The following DENND6B variants were observed in gnomAD, a reference collection of about 807,000 sequenced individuals.
The protein encoded by DENND6B is protein DENND6B.
In DENND6B, 73 loss-of-function variants were observed where a neutral mutation model predicts 85.1. That is an observed-to-expected ratio of 0.86 (90% confidence interval 0.71 to 1.04). DENND6B has a LOEUF of 1.04. Ranked by LOEUF, DENND6B falls within the 50% of genes least tolerant of loss-of-function variation. The pLI, the probability that DENND6B is intolerant of heterozygous loss-of-function variation, is 0.00. For synonymous variants in DENND6B, 357 were observed against 329.3 expected (o/e 1.08, Z -0.91); for missense variants, 715 against 785.8 (o/e 0.91, Z 1.08).
At chr22:50,322,363 C>G (rs927418918) in intron 1 of DENND6B, among the ~76,000 whole-genome samples, 24 of 152,032 alleles carry the variant, frequency 1.6e-4, no homozygotes, top group African/African-American at 5.6e-4. Context: ...CGTGAGCCAC[C>G]GTGCCCGGCC....
chr22:50,317,357 T>C lies in DENND6B; in HGVS notation c.389A>G (p.Tyr130Cys), dbSNP rs375952709. Residue 130 changes from tyrosine to cysteine, a missense_variant, in exon 5 of 20, where the codon TAC becomes TGC. Transcript: ENST00000413817. Reference protein sequence around the residue: ...PVALQREPAHYFGYVYFRQVK... With the variant: ...PVALQREPAHCFGYVYFRQVK... ...CTGCCTGAAGTACACGTAGCCGAAG[T>C]AGTGTGCCGGCTCCCTCTGCAAGGA... 6.2e-7 allele frequency: 1 copy of C among 1,612,906 alleles called. No individual in the cohort carries two copies. Among genetic ancestry groups the C allele is most frequent in the East Asian group, 2.2e-5 (1 of 44,848 alleles).
chr22:50,311,045 C>T lies in DENND6B; in HGVS notation c.*1094G>A, dbSNP rs2068053334. ...CAAAGCCCAGTCTCCATGAGTGGCC[C>T]TCCCAGCACCCTGTCGGGCATCTGC... On this transcript the variant is annotated 3_prime_UTR_variant, in exon 20 of 20. Transcript: ENST00000413817. 1 of 152,262 alleles carries T rather than the reference C, an allele frequency of 6.6e-6. No individual in the cohort carries two copies. The highest frequency in any genetic ancestry group is 6.5e-5 in the Admixed American group (1 of 15,286). 9.4% of individuals were successfully genotyped at this position (152,262 alleles called of 1,614,324 possible). A position where few individuals can be genotyped will look rare whatever the true frequency, so the allele number is the denominator to read the frequency against.
chr22:50,318,328 G>C (rs1187952528), intron 3 of DENND6B, among the ~76,000 whole-genome samples: 1 of 152,140 alleles, frequency 6.6e-6, no homozygotes, highest in Admixed American at 6.5e-5. Flanking sequence ...GGGTGACGGA[G>C]TGAGACTCCG....
At chr22:50,324,909 T>A (rs2042150376) in intron 1 of DENND6B, among the ~76,000 whole-genome samples, 1 of 152,182 alleles carries the variant, frequency 6.6e-6, no homozygotes, top group African/African-American at 2.4e-5. Context: ...GAGTCTTCCT[T>A]CCATATCGCA....
chr22:50,310,717 G>C lies in DENND6B; in HGVS notation c.*1422C>G, dbSNP rs2068048413. On this transcript the variant is annotated 3_prime_UTR_variant, in exon 20 of 20. Coordinates refer to ENST00000413817, the MANE Select transcript of DENND6B (RefSeq NM_001001794.4). ...CCTAGCACGTTGGGAGGCCGAGGCG[G>C]GCGGATTACGAGGTCAGGAGATCGA... The C allele has an allele frequency of 6.6e-6, 1 of 152,184 alleles. No individual in the cohort carries two copies. Among genetic ancestry groups the C allele is most frequent in the African/African-American group, 2.4e-5 (1 of 41,434 alleles). 9.4% of individuals were successfully genotyped at this position (152,184 alleles called of 1,614,324 possible). A position where few individuals can be genotyped will look rare whatever the true frequency, so the allele number is the denominator to read the frequency against.
At chr22:50,317,133 TG>T (rs1231394602) in intron 5 of DENND6B, 159 bp downstream of exon 5, 2 of 352,424 alleles carry the variant, frequency 5.7e-6, no homozygotes, top group Non-Finnish European at 9.5e-6. Flanking sequence ...GAGGACAGGG[TG>T]GGGGGGCGGC....
Position 50,312,580 on chromosome 22 carries a change from C to T in DENND6B, c.1503G>A (p.Arg501=), listed in dbSNP as rs758612608. Reference sequence around the variant, plus strand: ...CCAGCTTCAGGGCCATCTCCTTGTGCCGCTGCCGGTACCAGCCATCAAAAT... The same window carrying T: ...CCAGCTTCAGGGCCATCTCCTTGTGTCGCTGCCGGTACCAGCCATCAAAAT... ...SPHFDGWYRQ[R]HKEMALKLEA... The change falls in exon 18 of 20, where the codon CGG becomes CGA. Residue 501 remains arginine, a synonymous_variant. Transcript: ENST00000413817. 5.0e-6 allele frequency: 8 copies of T among 1,590,920 alleles called. No individual in the cohort carries two copies. Among genetic ancestry groups the T allele is most frequent in the Admixed American group, 1.8e-5 (1 of 56,912 alleles).
At position 50,309,786 on chromosome 22, in the gene DENND6B, C is replaced by T. The variant is rs2068037486; in HGVS notation, c.*2353G>A. On this transcript the variant is annotated 3_prime_UTR_variant, in exon 20 of 20. Transcript: ENST00000413817. ...CCCTGGGGGCTCCTCAGAGACCAGC[C>T]TGAAGCCCCTCCCCTGCAGCCATGT... 6.6e-6 allele frequency: 1 copy of T among 152,392 alleles called. No individual in the cohort carries two copies. Among genetic ancestry groups the T allele is most frequent in the Non-Finnish European group, 1.5e-5 (1 of 68,154 alleles). 9.4% of individuals were successfully genotyped at this position (152,392 alleles called of 1,614,324 possible). A position where few individuals can be genotyped will look rare whatever the true frequency, so the allele number is the denominator to read the frequency against.
chr22:50,320,341 C>T (rs755290708), intron 1 of DENND6B, among the ~76,000 whole-genome samples: 13 of 152,242 alleles, frequency 8.5e-5, no homozygotes, highest in Non-Finnish European at 2.9e-5. Context: ...GCCTGAGCCT[C>T]CTGAAGTGCT....
intron 4 of DENND6B, 142 bp from the exon 5 acceptor site, chr22:50,317,515 G>A (rs2041892107): frequency 2.1e-5 from 20 of 945,540 alleles, no homozygotes; most frequent in Non-Finnish European, 2.9e-5. Flanking sequence ...TGCTGTCCGT[G>A]CACTCTGGCC....
chr22:50,325,395 T>C (rs570536549), intron 1 of DENND6B, among the ~76,000 whole-genome samples: 34 of 144,114 alleles, frequency 2.4e-4, no homozygotes, highest in African/African-American at 8.6e-4. Flanking sequence ...TGGAGCGCAA[T>C]GGTGCAATCT....
chr22:50,322,434 G>A (rs2042074145), intron 1 of DENND6B, among the ~76,000 whole-genome samples: 1 of 152,214 alleles, frequency 6.6e-6, no homozygotes, highest in African/African-American at 2.4e-5. Flanking sequence ...TGCTGCCTGG[G>A]AGGGCATGGC....
rs765433530 is a variant in DENND6B, at chr22:50,314,191, C to G, written c.1138+16G>C. On this transcript the variant is annotated intron_variant, in intron 13 of 19. Transcript: ENST00000413817. ...TCTCCACGGTGGAGGGGCTCCAGGT[C>G]GAGGGGAGCACAGACCTGGCTTGGT... is the stretch of plus-strand genomic sequence containing the variant. 7.5e-6 allele frequency: 12 copies of G among 1,595,816 alleles called. No individual in the cohort carries two copies. In the East Asian group the frequency reaches 1.8e-4, roughly 24 times the overall value.
rs755492151 is a variant in DENND6B at position 50,313,836 on chromosome 22, G to A, written c.1181C>T (p.Ala394Val). 42 of 1,611,826 alleles carry A rather than the reference G, an allele frequency of 2.6e-5. No individual in the cohort carries two copies. The highest frequency in any genetic ancestry group is 2.5e-4 in the East Asian group (11 of 44,872). The change falls in exon 14 of 20, where the codon GCG becomes GTG. Residue 394 changes from alanine (A) to valine (V), a missense_variant. Physicochemically the swap from Ala to Val is moderately conservative, Grantham distance 64. Transcript: ENST00000413817. ...TACCTTGAGCAGCCGTTTGAGCAGCGCCTTGTCGCGGTGGAGGTGGGCCGT... is the reference window on the plus strand; with the variant it reads ...TACCTTGAGCAGCCGTTTGAGCAGCACCTTGTCGCGGTGGAGGTGGGCCGT... Reference protein sequence around the residue: ...AYTAHLHRDKALLKRLLKGVQ... With the variant: ...AYTAHLHRDKVLLKRLLKGVQ...
chr22:50,310,374 T>TCCGC lies in DENND6B; in HGVS notation c.*1761_*1764dup, dbSNP rs2147760396. ...CCCCTTGGTCACCCTCCCGGCTGCC[T>TCCGC]CCGCGTCTTGTCTGTAGAATGGGAA... On this transcript the variant is annotated 3_prime_UTR_variant, in exon 20 of 20. Transcript: ENST00000413817. 6.6e-6 allele frequency: 1 copy of TCCGC among 152,412 alleles called. No individual in the cohort carries two copies. The highest frequency in any genetic ancestry group is 2.1e-4 in the South Asian group (1 of 4,826). The allele number at this position is 152,412 out of a possible 1,614,324, so 9.4% of individuals were successfully genotyped here.
intron 9 of DENND6B, chr22:50,315,158 C>G: frequency 1.7e-6 from 1 of 582,414 alleles, no homozygotes; most frequent in Admixed American, 3.3e-5. Context: ...CCTGGACCCA[C>G]CTGTGAGGGA....
At chr22:50,322,349 C>T (rs918606889) in intron 1 of DENND6B, among the ~76,000 whole-genome samples, 1 of 152,166 alleles carries the variant, frequency 6.6e-6, no homozygotes, top group Admixed American at 6.5e-5. Flanking sequence ...GCTGGGATTA[C>T]AGGCGTGAGC....
At chr22:50,315,009 G>A in intron 9 of DENND6B, 88 bp from the exon 10 acceptor site, 4 of 1,558,792 alleles carry the variant, frequency 2.6e-6, no homozygotes, top group Non-Finnish European at 3.5e-6. Context: ...ACCCAGGCTG[G>A]CCCAGGCACT....
intron 9 of DENND6B, 73 bp from the exon 10 acceptor site, chr22:50,314,994 C>T (rs1035233341): frequency 1.4e-5 from 22 of 1,578,726 alleles, no homozygotes; most frequent in South Asian, 6.9e-5. Context: ...GCTCTCCCAC[C>T]GTTCACCCAG....
Sources: gnomAD v4.1 joint callset for allele counts (sites outside exome capture counted in the v4.1 genomes callset) on GRCh38, gnomAD v4.1.1 for gene constraint, MANE v1.5 for transcripts, NCBI Gene and HGNC (gene_info 2026-07-23, HGNC 2026-07-21) for gene names.